Variants in TNFRSF8 observed in about 807,000 individuals in gnomAD.
TNFRSF8 encodes TNF receptor superfamily member 8.
A neutral mutation model predicts 70.8 loss-of-function variants in TNFRSF8; 26 were observed. The observed-to-expected ratio is 0.37, with a 90% CI of 0.27 to 0.51. The LOEUF (loss-of-function observed/expected upper bound fraction) is 0.51. Among genes scored for constraint, TNFRSF8 ranks in the 20% least tolerant of loss-of-function variants. The pLI, the probability that TNFRSF8 is intolerant of heterozygous loss-of-function variation, is 0.94. For synonymous variants in TNFRSF8, 356 were observed against 339.2 expected, an observed-to-expected ratio of 1.05 and a Z score of -0.54; for missense variants, 720 against 807.9, an observed-to-expected ratio of 0.89 and a Z score of 1.32.
intron 12 of TNFRSF8, among the ~76,000 whole-genome samples, chr1:12,127,733 C>T (rs1271628042): frequency 6.7e-6 from 1 of 148,342 alleles, no homozygotes; most frequent in Middle Eastern, 3.2e-3. Context: ...GGCTGAGTGT[C>T]TCATTGAAAC....
At chr1:12,123,596 G>A (rs1169418515) in intron 9 of TNFRSF8, 119 bp from the exon 10 acceptor site, 7 of 1,010,998 alleles carry the variant, frequency 6.9e-6, no homozygotes, top group Admixed American at 2.4e-5. Context: ...GAGACTCGGG[G>A]CAGAGGATCT....
At position 12,109,753 on chromosome 1, in the gene TNFRSF8, G is replaced by T. The variant is rs1313366419; in HGVS notation, c.512+97G>T. 3.7e-6 allele frequency: 4 copies of T among 1,084,084 alleles called. No homozygotes were observed. Among genetic ancestry groups the T allele is most frequent in the Non-Finnish European group, 5.5e-6 (4 of 729,066 alleles). 67.2% of individuals were successfully genotyped at this position (1,084,084 alleles called of 1,614,324 possible). A position where few individuals can be genotyped will look rare whatever the true frequency, so the allele number is the denominator to read the frequency against. On this transcript the variant is annotated intron_variant, in intron 5 of 14. Transcript: ENST00000263932. The surrounding 1 kb of genome is among the most constrained non-coding windows in gnomAD (Gnocchi z 4.4). Reference sequence around the variant, plus strand: ...ACGCCCATGGTACAACTGGGCTGGGGGTGTAAGCGGGATTCAGCCCATGGT... The same window carrying T: ...ACGCCCATGGTACAACTGGGCTGGGTGTGTAAGCGGGATTCAGCCCATGGT...
rs373970569 is a variant in TNFRSF8, at chr1:12,107,109, TA to T, written c.422-2456del. On this transcript the variant is annotated intron_variant, in intron 4 of 14. Coordinates refer to ENST00000263932, the MANE Select transcript of TNFRSF8 (RefSeq NM_001243.5). Reference sequence around the variant, plus strand: ...CGTGGCCACGCACTTAAAATGCAGCTAGGGGCCGGGTGCGGTGGCTCACACC... The same window carrying T: ...CGTGGCCACGCACTTAAAATGCAGCTGGGGCCGGGTGCGGTGGCTCACACC... 4.3e-3 allele frequency among the ~76,000 whole-genome samples: 654 copies of T among 152,294 alleles called. 3 individuals carry two copies. Among genetic ancestry groups the T allele is most frequent in the African/African-American group, 0.014 (577 of 41,574 alleles).
chr1:12,127,570 C>G (rs1195361986), intron 12 of TNFRSF8, among the ~76,000 whole-genome samples: 1 of 152,242 alleles, frequency 6.6e-6, no homozygotes, highest in Non-Finnish European at 1.5e-5. Flanking sequence ...TTGCAGAGGC[C>G]CTTGCATAGG....
chr1:12,068,678 C>T (rs1640784839), intron 1 of TNFRSF8, among the ~76,000 whole-genome samples: 1 of 152,144 alleles, frequency 6.6e-6, no homozygotes, highest in African/African-American at 2.4e-5. Flanking sequence ...AGTATTCATG[C>T]ATGCATGCAT....
rs182607380 is a variant in TNFRSF8 at position 12,090,791 on chromosome 1, G to A, written c.151+6240G>A. Among the ~76,000 whole-genome samples the A allele has an allele frequency of 2.6e-5, 4 of 152,252 alleles. No homozygotes were observed. In the East Asian group the frequency reaches 5.8e-4, roughly 22 times the overall value. On this transcript the variant is annotated intron_variant, in intron 2 of 14. Coordinates refer to ENST00000263932, the MANE Select transcript of TNFRSF8 (RefSeq NM_001243.5). ...TTTCTACCTGCTTGTAAGAAAAGGG[G>A]GTGCCATAGTTTGAATTCCCCCAGA...
chr1:12,109,516 A>G lies in TNFRSF8; in HGVS notation c.422-50A>G, dbSNP rs1641586461. The G allele has an allele frequency of 6.7e-7, 1 of 1,497,592 alleles. No homozygotes were observed. Among genetic ancestry groups the G allele is most frequent in the African/African-American group, 1.4e-5 (1 of 72,460 alleles). The allele number at this position is 1,497,592 out of a possible 1,614,324, so 92.8% of individuals were successfully genotyped here. On this transcript the variant is annotated intron_variant, in intron 4 of 14. Coordinates refer to ENST00000263932, the MANE Select transcript of TNFRSF8 (RefSeq NM_001243.5). This position sits in a 1 kb window ranked among gnomAD's most constrained non-coding sequence, Gnocchi z 4.4. ...GGTAGTGAAGGGTGTATTCCGGGAG[A>G]CTTTGGGTCCCCAACACTGATTCTG...
rs1051018183 is a variant in TNFRSF8 at position 12,112,805 on chromosome 1, G to A, written c.793+791G>A. On this transcript the variant is annotated intron_variant, in intron 7 of 14. Coordinates refer to ENST00000263932, the MANE Select transcript of TNFRSF8 (RefSeq NM_001243.5). This position sits in a 1 kb window ranked among gnomAD's most constrained non-coding sequence, Gnocchi z 5.3. ...AACCTCCCAGCGCCAGCAGCACCCC[G>A]AGGGGCATGTGGGCAGGGGGTGTTG... Among the ~76,000 whole-genome samples, 4 of 152,190 alleles carry A rather than the reference G, an allele frequency of 2.6e-5. No individual in the cohort carries two copies. The highest frequency in any genetic ancestry group is 2.9e-5 in the Non-Finnish European group (2 of 68,034).
intron 10 of TNFRSF8, among the ~76,000 whole-genome samples, chr1:12,124,594 T>G (rs1570065759): frequency 6.6e-6 from 1 of 151,724 alleles, no homozygotes; most frequent in African/African-American, 2.4e-5. Context: ...GAGGCCAAGG[T>G]GGGTGGATCA....
chr1:12,113,637 CAGAA>C lies in TNFRSF8; in HGVS notation c.793+1627_793+1630del, dbSNP rs1238257399. Among the ~76,000 whole-genome samples the C allele has an allele frequency of 8.8e-5, 13 of 148,020 alleles. No individual in the cohort carries two copies. Among genetic ancestry groups the C allele is most frequent in the South Asian group, 8.7e-4 (4 of 4,606 alleles). ...AGACAGAAAGAGGGAGAGAGAGAGACAGAAAGAGAAAGAGACGGAGTGAGCGAGA... is the reference window on the plus strand; with the variant it reads ...AGACAGAAAGAGGGAGAGAGAGAGACAGAGAAAGAGACGGAGTGAGCGAGA... On this transcript the variant is annotated intron_variant, in intron 7 of 14. Coordinates refer to ENST00000263932, the MANE Select transcript of TNFRSF8 (RefSeq NM_001243.5). This position sits in a 1 kb window ranked among gnomAD's most constrained non-coding sequence, Gnocchi z 4.9.
chr1:12,125,782 G>T (rs1641926088), intron 10 of TNFRSF8, 169 bp from the exon 11 acceptor site: 3 of 667,386 alleles, frequency 4.5e-6, no homozygotes, highest in Non-Finnish European at 8.1e-6. Context: ...GCTTCCTGGA[G>T]CCAGGCGAGG....
intron 12 of TNFRSF8, among the ~76,000 whole-genome samples, chr1:12,131,497 T>A (rs1210968005): frequency 2.5e-5 from 2 of 80,608 alleles, no homozygotes; most frequent in Non-Finnish European, 4.8e-5. Flanking sequence ...TGGCCTTCAT[T>A]TTTAAGTTTT....
At chr1:12,094,687 G>A (rs1641301827) in intron 2 of TNFRSF8, among the ~76,000 whole-genome samples, 1 of 145,932 alleles carries the variant, frequency 6.9e-6, no homozygotes, top group Non-Finnish European at 1.5e-5. Context: ...GTGCAGTGAC[G>A]CGATCTCGGC....
chr1:12,140,632 C>A (rs543692616), intron 14 of TNFRSF8, among the ~76,000 whole-genome samples: 3 of 152,200 alleles, frequency 2.0e-5, no homozygotes, highest in Non-Finnish European at 4.4e-5. Flanking sequence ...CTTTCACTTC[C>A]GAGCTCAGTG....
chr1:12,082,325 TA>T lies in TNFRSF8; in HGVS notation c.64-2138del, dbSNP rs566759853. On this transcript the variant is annotated intron_variant, in intron 1 of 14. Coordinates refer to ENST00000263932, the MANE Select transcript of TNFRSF8 (RefSeq NM_001243.5). The stretch of plus-strand genomic sequence containing the variant: ...TTGTGGGAGGCTGAGGCAGGAGGAT[TA>T]CTTGACCTCAGGAGTTTGAGATCAA... Among the ~76,000 whole-genome samples the T allele has an allele frequency of 9.9e-5, 15 of 152,132 alleles. 1 individual carries two copies. In the East Asian group the frequency reaches 2.9e-3, roughly 29 times the overall value.
In TNFRSF8 at chr1:12,113,295, CTGG is replaced by C. The variant is rs1641664209; in HGVS notation, c.793+1286_793+1288del. Among the ~76,000 whole-genome samples the C allele has an allele frequency of 6.6e-6, 1 of 152,182 alleles. No homozygotes were observed. Among genetic ancestry groups the C allele is most frequent in the Non-Finnish European group, 1.5e-5 (1 of 68,038 alleles). On this transcript the variant is annotated intron_variant, in intron 7 of 14. Coordinates refer to ENST00000263932, the MANE Select transcript of TNFRSF8 (RefSeq NM_001243.5). The surrounding 1 kb of genome is among the most constrained non-coding windows in gnomAD (Gnocchi z 4.9). ...GTCTTACCTGGGGCTTCCTCATGGTCTGGTGGTTAGGTTCTAAAGGCGAAGTCT... is the reference window on the plus strand; with the variant it reads ...GTCTTACCTGGGGCTTCCTCATGGTCTGGTTAGGTTCTAAAGGCGAAGTCT...
At position 12,088,152 on chromosome 1, in the gene TNFRSF8, C is replaced by T. The variant is rs1641187041; in HGVS notation, c.151+3601C>T. 6.6e-6 allele frequency among the ~76,000 whole-genome samples: 1 copy of T among 152,068 alleles called. No homozygotes were observed. Among genetic ancestry groups the T allele is most frequent in the African/African-American group, 2.4e-5 (1 of 41,404 alleles). ...GAAAAATGTAGATGTCATCGAATCC[C>T]TCCTTGCACCCAGGCCTGTGATGCC... On this transcript the variant is annotated intron_variant, in intron 2 of 14. Transcript: ENST00000263932. This position sits in a 1 kb window ranked among gnomAD's most constrained non-coding sequence, Gnocchi z 4.0.
At position 12,109,744 on chromosome 1, in the gene TNFRSF8, TG is replaced by T; in HGVS notation, c.512+91del. ...CCCCACAGGACGCCCATGGTACAAC[TG>T]GGCTGGGGGTGTAAGCGGGATTCAG... On this transcript the variant is annotated intron_variant, in intron 5 of 14. Transcript: ENST00000263932. The surrounding 1 kb of genome is among the most constrained non-coding windows in gnomAD (Gnocchi z 4.4). 3 of 1,188,944 alleles carry T rather than the reference TG, an allele frequency of 2.5e-6. No individual in the cohort carries two copies. The South Asian group carries it at 3.9e-5, about 15-fold the overall frequency. 73.6% of individuals were successfully genotyped at this position (1,188,944 alleles called of 1,614,324 possible). A position where few individuals can be genotyped will look rare whatever the true frequency, so the allele number is the denominator to read the frequency against.
chr1:12,107,214 G>T (rs925499526), intron 4 of TNFRSF8, among the ~76,000 whole-genome samples: 2 of 152,158 alleles, frequency 1.3e-5, no homozygotes, highest in African/African-American at 4.8e-5. Context: ...GGCCAATGTG[G>T]TGAAACCTCG....
Sources: gnomAD v4.1 joint callset for allele counts (sites outside exome capture counted in the v4.1 genomes callset) on GRCh38, gnomAD v4.1.1 for gene constraint, Gnocchi (gnomAD v3.1) non-coding constraint, MANE v1.5 for transcripts, NCBI Gene and HGNC (gene_info 2026-07-23, HGNC 2026-07-21) for gene names.